STK3: variants seen among roughly 807,000 people sequenced by gnomAD.
STK3 encodes serine/threonine-protein kinase 3.
Under a neutral mutation model 58.0 loss-of-function variants are expected in STK3, and 41 were observed. That is an observed-to-expected ratio of 0.71 (90% confidence interval 0.55 to 0.92). The LOEUF is 0.92. Ranked by LOEUF, STK3 falls within the 40% of genes least tolerant of loss-of-function variation. The probability of loss-of-function intolerance (pLI) is 0.00; values close to 1 mark genes in which losing one functional copy is unlikely to be tolerated. For missense variants in STK3, 479 were observed against 602.7 expected (o/e 0.79, Z 2.15); for synonymous variants, 170 against 191.0 (o/e 0.89, Z 0.91).
intron 6 of STK3, among the ~76,000 whole-genome samples, chr8:98,654,407 C>G (rs1273620929): frequency 6.6e-6 from 1 of 152,072 alleles, no homozygotes; most frequent in Admixed American, 6.5e-5. Context: ...GGAAGCATTC[C>G]CTTTGAAAAC....
chr8:98,908,401 T>C (rs1838994419), intron 1 of STK3, among the ~76,000 whole-genome samples: 1 of 152,254 alleles, frequency 6.6e-6, no homozygotes. Flanking sequence ...CTTAGTTTTC[T>C]TTTTGGGTGG....
intron 3 of STK3, among the ~76,000 whole-genome samples, chr8:98,757,543 C>T (rs1423931504): frequency 4.1e-5 from 6 of 146,194 alleles, no homozygotes; most frequent in African/African-American, 1.0e-4. Flanking sequence ...TGCAGTGAGC[C>T]GAGGTCGCGC....
chr8:98,920,954 C>T (rs1015866182), intron 1 of STK3, among the ~76,000 whole-genome samples: 1 of 152,196 alleles, frequency 6.6e-6, no homozygotes, highest in African/African-American at 2.4e-5. Flanking sequence ...GAAATACACC[C>T]TTGAAATAAG....
intron 1 of STK3, among the ~76,000 whole-genome samples, chr8:98,816,020 G>A (rs529233225): frequency 8.5e-5 from 13 of 152,082 alleles, no homozygotes; most frequent in East Asian, 7.7e-4. Context: ...CTAAGGGATC[G>A]AACTTGAGTC....
At chr8:98,891,125 T>A (rs1838184545) in intron 1 of STK3, among the ~76,000 whole-genome samples, 1 of 152,230 alleles carries the variant, frequency 6.6e-6, no homozygotes, top group African/African-American at 2.4e-5. Context: ...CCTCTGAAGG[T>A]CAGTCTACCA....
rs373894490 is a variant in STK3, at chr8:98,403,071, C to T, written n.484-1558G>A. ...CTCCAGCTGTTCCCACAGCTGCTGA[C>T]ATTTGAGGGAGGCCAAGGGCAGTGG... On this transcript the variant is annotated intron_variant and non_coding_transcript_variant, in intron 3 of 3. Coordinates refer to the STK3 transcript ENST00000517832. 3.3e-5 allele frequency among the ~76,000 whole-genome samples: 5 copies of T among 152,338 alleles called. No individual in the cohort carries two copies. The South Asian group carries it at 1.0e-3, about 32-fold the overall frequency.
Position 98,712,112 on chromosome 8 carries a change from C to A in STK3, c.352-4801G>T, listed in dbSNP as rs1283708826. Among the ~76,000 whole-genome samples the A allele has an allele frequency of 3.9e-5, 6 of 152,284 alleles. No individual in the cohort carries two copies. The South Asian group carries it at 1.2e-3, about 32-fold the overall frequency. ...AGATTTTGTCACCACCAGGCCTGCC[C>A]TAAAAGAGCTCTTGAAGGAAGCAAT... On this transcript the variant is annotated intron_variant, in intron 4 of 10. Coordinates refer to ENST00000419617, the MANE Select transcript of STK3 (RefSeq NM_006281.4).
At chr8:98,716,271 A>T (rs896318159) in intron 4 of STK3, among the ~76,000 whole-genome samples, 3 of 152,292 alleles carry the variant, frequency 2.0e-5, no homozygotes, top group African/African-American at 7.2e-5. Flanking sequence ...GTACCCTAAA[A>T]CTTAAAGTAT....
At chr8:98,685,996 C>A (rs1823970958) in intron 6 of STK3, among the ~76,000 whole-genome samples, 1 of 152,094 alleles carries the variant, frequency 6.6e-6, no homozygotes, top group Non-Finnish European at 1.5e-5. Context: ...ATACATATAA[C>A]TGAATAAACG....
intron 10 of STK3, among the ~76,000 whole-genome samples, chr8:98,511,774 A>T (rs192518461): frequency 6.6e-6 from 1 of 152,178 alleles, no homozygotes; most frequent in East Asian, 1.9e-4. Flanking sequence ...TCAGCAGCTG[A>T]TTTTTCCATG....
rs1260539164 is a variant in STK3 at position 98,489,573 on chromosome 8, AT to A, written c.1318-33574del. Among the ~76,000 whole-genome samples, 7 of 152,186 alleles carry A rather than the reference AT, an allele frequency of 4.6e-5. No individual in the cohort carries two copies. The East Asian group carries it at 1.3e-3, about 29-fold the overall frequency. On this transcript the variant is annotated intron_variant, in intron 10 of 10. Transcript: ENST00000419617. ...CAAGATTATGTACATATCCACCTAT[AT>A]TTTTTCTATTACCTTTTTGCTTTCA...
rs186465923 is a variant in STK3, at chr8:98,652,135, C to T, written c.684+54332G>A. On this transcript the variant is annotated intron_variant, in intron 6 of 10. Coordinates refer to ENST00000419617, the MANE Select transcript of STK3 (RefSeq NM_006281.4). ...CCCCTCAGACCAACAGCGGATCTCTCGGCAAAACTCTACAAGCCAGAAGAC... is the reference window on the plus strand; with the variant it reads ...CCCCTCAGACCAACAGCGGATCTCTTGGCAAAACTCTACAAGCCAGAAGAC... Among the ~76,000 whole-genome samples, 182 of 152,282 alleles carry T rather than the reference C, an allele frequency of 1.2e-3. 1 individual carries two copies. The highest frequency in any genetic ancestry group is 0.01 in the Middle Eastern group (3 of 294).
intron 1 of STK3, among the ~76,000 whole-genome samples, chr8:98,811,415 G>A (rs1455127592): frequency 6.6e-6 from 1 of 152,028 alleles, no homozygotes; most frequent in Non-Finnish European, 1.5e-5. Flanking sequence ...TGCTAGGCAT[G>A]ATCCTTCATC....
chr8:98,766,516 C>CA (rs1830960008), intron 3 of STK3, among the ~76,000 whole-genome samples: 2 of 152,168 alleles, frequency 1.3e-5, no homozygotes, highest in South Asian at 2.1e-4. Flanking sequence ...CTCCTGGGCT[C>CA]AAACAATCCT....
At chr8:98,512,145 C>T (rs972290443) in intron 10 of STK3, among the ~76,000 whole-genome samples, 1 of 151,836 alleles carries the variant, frequency 6.6e-6, no homozygotes, top group Non-Finnish European at 1.5e-5. Flanking sequence ...CAACAGGCTC[C>T]GGATTGTGAT....
At chr8:98,479,814 A>C (rs997855455) in intron 10 of STK3, among the ~76,000 whole-genome samples, 3 of 152,238 alleles carry the variant, frequency 2.0e-5, no homozygotes, top group African/African-American at 7.2e-5. Flanking sequence ...ACTTTAAAGC[A>C]GCTATAATTA....
At chr8:98,768,468 A>T (rs568919276) in intron 2 of STK3, among the ~76,000 whole-genome samples, 1 of 152,354 alleles carries the variant, frequency 6.6e-6, no homozygotes, top group African/African-American at 2.4e-5. Context: ...AATACATTTT[A>T]TCCTCTCCTC....
intron 10 of STK3, among the ~76,000 whole-genome samples, chr8:98,504,420 G>T (rs1359404653): frequency 1.3e-5 from 2 of 152,196 alleles, no homozygotes; most frequent in Non-Finnish European, 2.9e-5. Flanking sequence ...GTGTGAATTT[G>T]ATCCTGTCAT....
intron 6 of STK3, among the ~76,000 whole-genome samples, chr8:98,607,917 T>C (rs1816898677): frequency 6.6e-6 from 1 of 152,178 alleles, no homozygotes; most frequent in South Asian, 2.1e-4. Context: ...TTAGAAACTT[T>C]TCTGATTTTT....
Sources: gnomAD v4.1 joint callset for allele counts (sites outside exome capture counted in the v4.1 genomes callset) on GRCh38, gnomAD v4.1.1 for gene constraint, MANE v1.5 for transcripts, NCBI Gene and HGNC (gene_info 2026-07-23, HGNC 2026-07-21) for gene names.